The following GFRA2 variants were observed in gnomAD, a reference collection of about 807,000 sequenced individuals.
The protein encoded by GFRA2 is GDNF family receptor alpha-2.
GFRA2 carries 17 observed loss-of-function variants against 48.3 expected under a neutral mutation model. The ratio of observed to expected loss-of-function variants is 0.35; its 90% CI spans 0.24 to 0.53. The LOEUF is 0.53. Ranked by LOEUF, GFRA2 falls within the 20% of genes least tolerant of loss-of-function variation. The pLI is 0.93. For missense variants in GFRA2, 660 were observed against 637.3 expected, an observed-to-expected ratio of 1.04 and a Z score of -0.38; for synonymous variants, 305 against 257.2, an observed-to-expected ratio of 1.19 and a Z score of -1.78.
chr8:21,694,926 A>G (rs1234179619), intron 7 of GFRA2, among the ~76,000 whole-genome samples: 2 of 152,240 alleles, frequency 1.3e-5, no homozygotes, highest in African/African-American at 4.8e-5. Flanking sequence ...GAATGAATGA[A>G]TGAATGTCAC....
intron 4 of GFRA2, among the ~76,000 whole-genome samples, chr8:21,708,333 ACATC>A (rs1168209674): frequency 6.6e-6 from 1 of 152,132 alleles, no homozygotes; most frequent in East Asian, 1.9e-4. Flanking sequence ...GTCAAAACCC[ACATC>A]CATCCCCCTC....
chr8:21,704,046 G>A (rs1230874818), intron 6 of GFRA2, among the ~76,000 whole-genome samples: 1 of 152,254 alleles, frequency 6.6e-6, no homozygotes, highest in Non-Finnish European at 1.5e-5. Context: ...TGCATGACAA[G>A]GATGCTATCT....
In GFRA2 at chr8:21,694,477, A is replaced by G; in HGVS notation, c.1259T>C (p.Met420Thr). 1.9e-6 allele frequency: 3 copies of G among 1,612,406 alleles called. No individual in the cohort carries two copies. Among genetic ancestry groups the G allele is most frequent in the Non-Finnish European group, 2.5e-6 (3 of 1,179,528 alleles). The change falls in exon 8 of 9, where the codon ATG becomes ACG. Residue 420 changes from methionine (M) to threonine (T), a missense_variant. Physicochemically the swap from Met to Thr is moderately conservative, Grantham distance 81. Coordinates refer to ENST00000524240, the MANE Select transcript of GFRA2 (RefSeq NM_001495.5). ...CCCCCAACTCACCTCTGTGAAGCAC[A>G]TGCTTAACTCTTTGGAGTTGTTGGC... Reference protein sequence around the residue: ...LKANNSKELSMCFTELTTNII... With the variant: ...LKANNSKELSTCFTELTTNII...
chr8:21,727,692 C>A (rs759543072), intron 4 of GFRA2, among the ~76,000 whole-genome samples: 1 of 152,174 alleles, frequency 6.6e-6, no homozygotes, highest in Non-Finnish European at 1.5e-5. Context: ...TCCTCGTCTG[C>A]CCGCAGACGG....
chr8:21,807,462 T>C (rs1446038125), intron 1 of GFRA2, among the ~76,000 whole-genome samples: 9 of 152,254 alleles, frequency 5.9e-5, no homozygotes, highest in Non-Finnish European at 1.5e-5. Flanking sequence ...TATTCTGTTA[T>C]AGCAGCAGAA....
rs1484048904 is a variant in GFRA2 at position 21,750,648 on chromosome 8, T to C, written c.734A>G (p.Asp245Gly). Reference protein sequence around the residue: ...QTILPSCSYEDKEKPNCLDLR... With the variant: ...QTILPSCSYEGKEKPNCLDLR... Reference sequence around the variant, plus strand: ...GTCCAGGCAGTTGGGCTTCTCCTTGTCCTCATAGGAGCAGCTGGGCAGGAT... The same window carrying C: ...GTCCAGGCAGTTGGGCTTCTCCTTGCCCTCATAGGAGCAGCTGGGCAGGAT... Residue 245 changes from aspartate (D) to glycine (G), a missense_variant, in exon 4 of 9, where the codon GAC becomes GGC. Coordinates refer to ENST00000524240, the MANE Select transcript of GFRA2 (RefSeq NM_001495.5). The surrounding 1 kb of genome is among the most constrained non-coding windows in gnomAD (Gnocchi z 5.7). 1.2e-6 allele frequency: 2 copies of C among 1,613,568 alleles called. No homozygotes were observed. Among genetic ancestry groups the C allele is most frequent in the Non-Finnish European group, 1.7e-6 (2 of 1,179,726 alleles).
chr8:21,735,645 C>A (rs143788221), intron 4 of GFRA2, among the ~76,000 whole-genome samples: 8 of 152,240 alleles, frequency 5.3e-5, no homozygotes, highest in African/African-American at 1.7e-4. Flanking sequence ...ACAATATAGC[C>A]AGGTGCTCAT....
chr8:21,747,462 AT>A (rs1449035644), intron 4 of GFRA2, among the ~76,000 whole-genome samples: 2 of 152,170 alleles, frequency 1.3e-5, no homozygotes, highest in South Asian at 2.1e-4. Context: ...AATAAGATAT[AT>A]TTTTTTAAGT....
intron 1 of GFRA2, chr8:21,783,144 T>G (rs1807097353): frequency 3.0e-6 from 2 of 669,098 alleles, no homozygotes; most frequent in South Asian, 3.0e-5. Flanking sequence ...GCCCTGGGCC[T>G]AGGAGCACAG....
At chr8:21,694,908 G>C (rs1216890980) in intron 7 of GFRA2, among the ~76,000 whole-genome samples, 1 of 152,216 alleles carries the variant, frequency 6.6e-6, no homozygotes, top group Non-Finnish European at 1.5e-5. Context: ...CTAGATGCCT[G>C]CATCCATGAA....
intron 4 of GFRA2, among the ~76,000 whole-genome samples, chr8:21,740,730 A>G (rs1485457167): frequency 2.0e-5 from 3 of 152,212 alleles, no homozygotes; most frequent in Non-Finnish European, 4.4e-5. Context: ...GTCAAGCACC[A>G]GATATGAATG....
At chr8:21,811,769 G>A (rs908295945) in intron 1 of GFRA2, among the ~76,000 whole-genome samples, 3 of 145,292 alleles carry the variant, frequency 2.1e-5, no homozygotes, top group Non-Finnish European at 4.5e-5. Flanking sequence ...CCTCATTGCA[G>A]AGAAAGGCTT....
intron 4 of GFRA2, among the ~76,000 whole-genome samples, chr8:21,738,174 TC>T (rs1223381457): frequency 1.1e-3 from 4 of 3,494 alleles, no homozygotes; most frequent in Admixed American, 5.7e-3. Flanking sequence ...CTCATCCCCC[TC>T]CCCCGTTCCT....
intron 3 of GFRA2, among the ~76,000 whole-genome samples, chr8:21,755,626 C>G (rs1307857925): frequency 6.7e-6 from 1 of 150,268 alleles, no homozygotes; most frequent in Non-Finnish European, 1.5e-5. Flanking sequence ...AGCATCCTGT[C>G]CAGACCTTGG....
At position 21,760,173 on chromosome 8, in the gene GFRA2, A is replaced by G. The variant is rs988535163; in HGVS notation, c.440-9231T>C. ...TAGAAGTCAGAGGGACAGTCAGGGGAGACCTTGCGGGGCAGGTAAGAACTT... is the reference window on the plus strand; with the variant it reads ...TAGAAGTCAGAGGGACAGTCAGGGGGGACCTTGCGGGGCAGGTAAGAACTT... On this transcript the variant is annotated intron_variant, in intron 3 of 8. Coordinates refer to ENST00000524240, the MANE Select transcript of GFRA2 (RefSeq NM_001495.5). Among the ~76,000 whole-genome samples the G allele has an allele frequency of 3.3e-5, 5 of 152,200 alleles. No individual in the cohort carries two copies. The East Asian group carries it at 9.6e-4, about 29-fold the overall frequency.
At chr8:21,794,697 C>A (rs950936232) in intron 2 of GFRA2, among the ~76,000 whole-genome samples, 3 of 152,158 alleles carry the variant, frequency 2.0e-5, no homozygotes, top group Admixed American at 1.3e-4. Context: ...GGGCCTGGGT[C>A]ATGCATGAGC....
At chr8:21,768,852 T>C (rs2117681824) in intron 3 of GFRA2, among the ~76,000 whole-genome samples, 1 of 152,234 alleles carries the variant, frequency 6.6e-6, no homozygotes, top group Non-Finnish European at 1.5e-5. Flanking sequence ...CACTGTCCTG[T>C]CTGCCACAAT....
chr8:21,753,721 T>C (rs1805411379), intron 3 of GFRA2, among the ~76,000 whole-genome samples: 1 of 152,264 alleles, frequency 6.6e-6, no homozygotes, highest in African/African-American at 2.4e-5. Context: ...TCTATGATGT[T>C]AAACAAATGT....
At chr8:21,736,610 C>G (rs1253703610) in intron 4 of GFRA2, among the ~76,000 whole-genome samples, 5 of 152,056 alleles carry the variant, frequency 3.3e-5, no homozygotes, top group Admixed American at 3.3e-4. Context: ...ATCCTTCCAT[C>G]TCAGCCTCTC....
Sources: gnomAD v4.1 joint callset for allele counts (sites outside exome capture counted in the v4.1 genomes callset) on GRCh38, gnomAD v4.1.1 for gene constraint, Gnocchi (gnomAD v3.1) non-coding constraint, MANE v1.5 for transcripts, NCBI Gene and HGNC (gene_info 2026-07-23, HGNC 2026-07-21) for gene names.